The following LRGUK variants were observed in gnomAD, a reference collection of about 807,000 sequenced individuals.
LRGUK encodes the protein leucine rich repeats and guanylate kinase domain containing, also known as leucine-rich repeat and guanylate kinase domain-containing protein.
A neutral mutation model predicts 76.0 loss-of-function variants in LRGUK; 65 were observed. The ratio of observed to expected loss-of-function variants is 0.85; its 90% CI spans 0.70 to 1.05. LRGUK has a LOEUF of 1.05. LRGUK is among the 50% of genes least tolerant of loss of function. The pLI, the probability that LRGUK is intolerant of heterozygous loss-of-function variation, is 0.00. For missense variants in LRGUK, 758 were observed against 732.8 expected, an observed-to-expected ratio of 1.03 and a Z score of -0.40; for synonymous variants, 268 against 265.6, an observed-to-expected ratio of 1.01 and a Z score of -0.09.
downstream of LRGUK, among the ~76,000 whole-genome samples, chr7:134,211,031 G>A (rs1255527310): frequency 1.3e-5 from 2 of 152,222 alleles, no homozygotes; most frequent in South Asian, 4.1e-4. Flanking sequence ...GTCACAGAAC[G>A]ACCAGCTATG....
chr7:134,167,273 G>A (rs989218452), intron 7 of LRGUK, among the ~76,000 whole-genome samples: 1 of 152,186 alleles, frequency 6.6e-6, no homozygotes, highest in African/African-American at 2.4e-5. Flanking sequence ...GTGCTGATGG[G>A]TGCACACTTT....
chr7:134,139,929 C>T (rs2116834008), intron 3 of LRGUK, among the ~76,000 whole-genome samples: 1 of 152,020 alleles, frequency 6.6e-6, no homozygotes. Flanking sequence ...TATTTTATTA[C>T]ACTCTTTATT....
intron 15 of LRGUK, among the ~76,000 whole-genome samples, 186 bp from the exon 16 acceptor site, chr7:134,221,593 G>A (rs1801596765): frequency 6.6e-6 from 1 of 151,918 alleles, no homozygotes; most frequent in African/African-American, 2.4e-5. Context: ...GGTATTATAG[G>A]CTGATTTTAT....
Position 134,209,250 on chromosome 7 carries a change from GC to G in LRGUK, c.2391del (p.Thr798LeufsTer48). The G allele has an allele frequency of 2.5e-6, 1 of 398,980 alleles. No homozygotes were observed. Among genetic ancestry groups the G allele is most frequent in the Admixed American group, 4.4e-5 (1 of 22,706 alleles). 24.7% of individuals were successfully genotyped at this position (398,980 alleles called of 1,614,324 possible). ...CTGTCTGAACCTCTACAGGGACCTG[GC>G]CCCACTCCCCTCAGCCCTCAGAGAA... On this transcript the variant is annotated frameshift_variant, in exon 16 of 16. Coordinates refer to ENST00000645682, the Ensembl canonical transcript of LRGUK. LOFTEE classifies it low-confidence loss of function (END_TRUNC).
intron 16 of LRGUK, among the ~76,000 whole-genome samples, chr7:134,228,493 G>A (rs1475131113): frequency 6.6e-6 from 1 of 152,078 alleles, no homozygotes; most frequent in Non-Finnish European, 1.5e-5. Flanking sequence ...AACAGCAATG[G>A]CTTTAACAAT....
chr7:134,246,735 G>A (rs1277219054), intron 16 of LRGUK, among the ~76,000 whole-genome samples: 4 of 152,228 alleles, frequency 2.6e-5, no homozygotes, highest in African/African-American at 9.6e-5. Flanking sequence ...TGTATTTTAA[G>A]TGTACTTGCT....
At chr7:134,143,916 A>G (rs1046008357) in intron 4 of LRGUK, among the ~76,000 whole-genome samples, 2 of 152,178 alleles carry the variant, frequency 1.3e-5, no homozygotes, top group African/African-American at 4.8e-5. Flanking sequence ...TGATGATGTC[A>G]TGCCACTGGT....
At chr7:134,172,097 G>A (rs1799280198) in intron 7 of LRGUK, among the ~76,000 whole-genome samples, 1 of 152,108 alleles carries the variant, frequency 6.6e-6, no homozygotes, top group Non-Finnish European at 1.5e-5. Flanking sequence ...TATGTTCCAT[G>A]ATCACTCAGT....
intron 19 of LRGUK, among the ~76,000 whole-genome samples, chr7:134,260,670 C>A (rs1256634549): frequency 6.6e-6 from 1 of 152,144 alleles, no homozygotes; most frequent in Non-Finnish European, 1.5e-5. Context: ...TCCTAGGAGT[C>A]TCACCCCTGC....
intron 4 of LRGUK, among the ~76,000 whole-genome samples, chr7:134,146,228 G>A (rs1163217563): frequency 6.6e-6 from 1 of 151,788 alleles, no homozygotes; most frequent in Non-Finnish European, 1.5e-5. Context: ...GGCCAAGACT[G>A]AGCCACTGCA....
intron 17 of LRGUK, among the ~76,000 whole-genome samples, chr7:134,248,421 C>T (rs991942400): frequency 2.0e-4 from 30 of 152,214 alleles, no homozygotes; most frequent in Admixed American, 1.6e-3. Flanking sequence ...GGTTTATTCA[C>T]GAAAAATGGC....
chr7:134,139,726 T>A (rs1797690859), intron 3 of LRGUK, among the ~76,000 whole-genome samples: 1 of 152,198 alleles, frequency 6.6e-6, no homozygotes, highest in Admixed American at 6.5e-5. Context: ...GTGGCTGAGA[T>A]GCAGTCAATG....
downstream of LRGUK, among the ~76,000 whole-genome samples, chr7:134,265,905 C>T (rs1263235260): frequency 1.3e-5 from 2 of 152,198 alleles, no homozygotes; most frequent in African/African-American, 4.8e-5. Context: ...CAACCCACAT[C>T]CCTGCAGTGT....
intron 16 of LRGUK, among the ~76,000 whole-genome samples, chr7:134,224,111 T>G (rs1270181933): frequency 6.6e-6 from 1 of 152,228 alleles, no homozygotes; most frequent in Non-Finnish European, 1.5e-5. Context: ...TCCAGCCTTC[T>G]TGGATGGTGT....
At chr7:134,149,047 A>C (rs747757334) in intron 5 of LRGUK, among the ~76,000 whole-genome samples, 1 of 151,724 alleles carries the variant, frequency 6.6e-6, no homozygotes, top group Non-Finnish European at 1.5e-5. Flanking sequence ...AAAAGAGTTC[A>C]TGATAAGTTC....
intron 19 of LRGUK, among the ~76,000 whole-genome samples, chr7:134,261,523 C>T (rs1379041987): frequency 2.0e-5 from 3 of 152,106 alleles, no homozygotes; most frequent in African/African-American, 7.2e-5. Context: ...CTGTCAACAA[C>T]AGGACTCAGG....
chr7:134,248,993 T>C lies in LRGUK; in HGVS notation c.2115T>C (p.Tyr705=), dbSNP rs200050613. Residue 705 remains tyrosine (Y), a synonymous_variant, in exon 18 of 20, where the codon TAT becomes TAC. Transcript: ENST00000285928. ...CTCTCACCAGTGGTCTACACTATTA[T>C]ACAACTTTAGAAGAACTCTGGAAAA... 9 of 1,600,652 alleles carry C rather than the reference T, an allele frequency of 5.6e-6. No individual in the cohort carries two copies. The East Asian group carries it at 2.0e-4, about 36-fold the overall frequency.
At chr7:134,244,868 A>T (rs1475043709) in intron 16 of LRGUK, among the ~76,000 whole-genome samples, 1 of 152,208 alleles carries the variant, frequency 6.6e-6, no homozygotes, top group Non-Finnish European at 1.5e-5. Flanking sequence ...AATACTACGC[A>T]GCCATAAAAA....
chr7:134,227,304 G>A (rs1295146603), intron 16 of LRGUK, among the ~76,000 whole-genome samples: 1 of 152,148 alleles, frequency 6.6e-6, no homozygotes, highest in Non-Finnish European at 1.5e-5. Context: ...CTTTAGGTTG[G>A]TAACTGAAAG....
Sources: gnomAD v4.1 joint callset for allele counts (sites outside exome capture counted in the v4.1 genomes callset) on GRCh38, gnomAD v4.1.1 for gene constraint, MANE v1.5 for transcripts, NCBI Gene and HGNC (gene_info 2026-07-23, HGNC 2026-07-21) for gene names.